ZFAND3: variants seen among roughly 807,000 people sequenced by gnomAD.
The protein encoded by ZFAND3 is zinc finger AN1-type containing 3, also known as AN1-type zinc finger protein 3.
ZFAND3 carries 10 observed loss-of-function variants against 29.6 expected under a neutral mutation model. The observed-to-expected ratio is 0.34, with a 90% confidence interval of 0.21 to 0.57. The LOEUF is 0.57. Ranked by LOEUF, ZFAND3 falls within the 20% of genes least tolerant of loss-of-function variation. ZFAND3 has a pLI of 0.86. For missense variants in ZFAND3, 230 were observed against 304.5 expected, an observed-to-expected ratio of 0.76 and a Z score of 1.82; for synonymous variants, 128 against 112.6, an observed-to-expected ratio of 1.14 and a Z score of -0.87.
intron 5 of ZFAND3, among the ~76,000 whole-genome samples, chr6:38,144,204 T>TATATATATA (rs1554183983): frequency 1.9e-4 from 9 of 47,050 alleles, no homozygotes; most frequent in Non-Finnish European, 3.1e-4. Flanking sequence ...TATATATATA[T>TATATATATA]ATATATAATA....
intron 1 of ZFAND3, among the ~76,000 whole-genome samples, chr6:37,922,974 G>A (rs561632504): frequency 5.3e-5 from 8 of 152,252 alleles, no homozygotes; most frequent in African/African-American, 1.9e-4. Flanking sequence ...TAATAAATTA[G>A]CTTTAGCTTA....
At chr6:38,111,645 T>A (rs1424584994) in intron 4 of ZFAND3, among the ~76,000 whole-genome samples, 1 of 152,198 alleles carries the variant, frequency 6.6e-6, no homozygotes, top group East Asian at 1.9e-4. Flanking sequence ...ATGGTTTTCT[T>A]AATTTTTTTT....
chr6:37,822,433 C>G (rs11752692), intron 1 of ZFAND3, among the ~76,000 whole-genome samples: 2 of 152,154 alleles, frequency 1.3e-5, no homozygotes, highest in Non-Finnish European at 2.9e-5. Flanking sequence ...ACATTGCCGC[C>G]TTGTTTCCAT....
At chr6:38,042,041 T>TTGACCAGTCTGGTCTTGACCTTGTG (rs759628996) in intron 2 of ZFAND3, among the ~76,000 whole-genome samples, 6 of 150,708 alleles carry the variant, frequency 4.0e-5, no homozygotes, top group Non-Finnish European at 8.9e-5. Flanking sequence ...TTTCACCTTG[T>TTGACCAGTCTGGTCTTGACCTTGTG]TGACCAGTCT....
At chr6:38,144,218 A>ATATATATAATAT (rs1554183997) in intron 5 of ZFAND3, among the ~76,000 whole-genome samples, 1 of 31,448 alleles carries the variant, frequency 3.2e-5, no homozygotes, top group African/African-American at 1.9e-4. Flanking sequence ...TATAATATAT[A>ATATATATAATAT]ATATATATAT....
At chr6:37,900,543 A>G (rs575740437) in intron 1 of ZFAND3, among the ~76,000 whole-genome samples, 3 of 152,176 alleles carry the variant, frequency 2.0e-5, no homozygotes, top group Non-Finnish European at 4.4e-5. Flanking sequence ...AGTAGAGTGC[A>G]CTAGTTCTGT....
chr6:38,104,678 A>G (rs1451166693), intron 4 of ZFAND3, among the ~76,000 whole-genome samples: 8 of 152,224 alleles, frequency 5.3e-5, no homozygotes. Context: ...AGTCTTATAA[A>G]TCATATTCTA....
At chr6:38,019,019 G>GT (rs1458896262) in intron 2 of ZFAND3, among the ~76,000 whole-genome samples, 1 of 152,022 alleles carries the variant, frequency 6.6e-6, no homozygotes, top group Non-Finnish European at 1.5e-5. Context: ...CTGAAGTGCA[G>GT]TGGCGCCATC....
intron 2 of ZFAND3, among the ~76,000 whole-genome samples, chr6:38,057,831 G>A (rs749348237): frequency 2.0e-5 from 3 of 152,196 alleles, no homozygotes; most frequent in Non-Finnish European, 4.4e-5. Flanking sequence ...GTAACATTCT[G>A]TGATTCCTGG....
chr6:37,835,642 C>T (rs1763953811), intron 1 of ZFAND3, among the ~76,000 whole-genome samples: 1 of 151,962 alleles, frequency 6.6e-6, no homozygotes, highest in African/African-American at 2.4e-5. Context: ...AGGATGTCTC[C>T]CTCCTAGTTT....
Position 38,082,451 on chromosome 6 carries a change from G to A in ZFAND3, c.355G>A (p.Gly119Ser). 1 of 1,611,348 alleles carries A rather than the reference G, an allele frequency of 6.2e-7. No individual in the cohort carries two copies. Among genetic ancestry groups the A allele is most frequent in the South Asian group, 1.1e-5 (1 of 90,742 alleles). The change falls in exon 4 of 6, where the codon GGT becomes AGT. Residue 119 changes from glycine (G) to serine (S), a missense_variant. Around this residue, in one of 2 missense-constraint regions of ZFAND3, gnomAD observed 180 missense variants for 202.5 expected, o/e 0.89. Transcript: ENST00000287218. The stretch of plus-strand genomic sequence containing the variant: ...AATCACACCAACAAAAAGATCCTGT[G>A]GTACAGGTATGTACGTCATTCTTAT... ...SLITPTKRSC[G>S]TDSQSENEAS... is the part of the protein sequence containing the mutation.
intron 2 of ZFAND3, among the ~76,000 whole-genome samples, chr6:38,036,789 T>G (rs1763665968): frequency 6.6e-6 from 1 of 152,148 alleles, no homozygotes; most frequent in African/African-American, 2.4e-5. Context: ...CTTTCAAAAA[T>G]TTTAACAGAA....
rs559221695 is a variant in ZFAND3, at chr6:37,820,956, C to T, written c.71+940C>T. ...ATCATACCACATGACTGTAGTTCTGCAGTAAGAAAGCTGGAGACTTTGAAG... is the reference window on the plus strand; with the variant it reads ...ATCATACCACATGACTGTAGTTCTGTAGTAAGAAAGCTGGAGACTTTGAAG... On this transcript the variant is annotated intron_variant, in intron 1 of 5. Transcript: ENST00000287218. 5.9e-5 allele frequency among the ~76,000 whole-genome samples: 9 copies of T among 152,294 alleles called. No homozygotes were observed. In the East Asian group the frequency reaches 1.7e-3, roughly 29 times the overall value.
At chr6:38,061,498 G>A (rs1365355268) in intron 2 of ZFAND3, 95 bp from the exon 3 acceptor site, 3 of 1,433,754 alleles carry the variant, frequency 2.1e-6, no homozygotes, top group East Asian at 2.4e-5. Context: ...TATTATTGGT[G>A]TTGTTGCATT....
intron 1 of ZFAND3, among the ~76,000 whole-genome samples, chr6:37,841,911 G>C (rs1764084156): frequency 2.0e-5 from 3 of 152,108 alleles, no homozygotes; most frequent in Admixed American, 6.6e-5. Flanking sequence ...AAAATACTTG[G>C]GTAATTTATA....
At chr6:38,108,823 G>A (rs1451944297) in intron 4 of ZFAND3, among the ~76,000 whole-genome samples, 2 of 152,128 alleles carry the variant, frequency 1.3e-5, no homozygotes, top group Non-Finnish European at 2.9e-5. Context: ...CAATCAAGTT[G>A]ATACTTAGTA....
intron 1 of ZFAND3, among the ~76,000 whole-genome samples, chr6:37,893,820 C>T (rs890696968): frequency 4.6e-5 from 7 of 152,000 alleles, no homozygotes; most frequent in Admixed American, 1.3e-4. Context: ...TCCCAAAGTG[C>T]TGGGATTACA....
intron 2 of ZFAND3, among the ~76,000 whole-genome samples, chr6:37,986,898 A>AG (rs904143499): frequency 3.3e-4 from 50 of 152,324 alleles, no homozygotes; most frequent in African/African-American, 1.2e-3. Context: ...TGGAAAAAAA[A>AG]AATCTAGAAT....
Position 37,861,394 on chromosome 6 carries a change from G to A in ZFAND3, c.71+41378G>A, listed in dbSNP as rs1051632758. ...GACACTGAAGAAATGATGTGGTCTA[G>A]GTAGACAGGAGCGGGGAGGAAAAGG... is the stretch of plus-strand genomic sequence containing the variant. On this transcript the variant is annotated intron_variant, in intron 1 of 5. Transcript: ENST00000287218. Among the ~76,000 whole-genome samples, 8 of 152,202 alleles carry A rather than the reference G, an allele frequency of 5.3e-5. 1 individual carries two copies. The highest frequency in any genetic ancestry group is 5.2e-4 in the Admixed American group (8 of 15,278).
Sources: gnomAD v4.1 joint callset for allele counts (sites outside exome capture counted in the v4.1 genomes callset) on GRCh38, gnomAD v4.1.1 for gene constraint, gnomAD v4.1.1 regional missense constraint, MANE v1.5 for transcripts, NCBI Gene and HGNC (gene_info 2026-07-23, HGNC 2026-07-21) for gene names.